DCAF6: variants seen among roughly 807,000 people sequenced by gnomAD.
DCAF6 encodes the protein DDB1- and CUL4-associated factor 6.
Under a neutral mutation model 125.1 loss-of-function variants are expected in DCAF6, and 54 were observed. The ratio of observed to expected loss-of-function variants is 0.43; its 90% CI spans 0.35 to 0.54. The LOEUF is 0.54. DCAF6 is among the 20% of genes least tolerant of loss of function. The pLI, the probability that DCAF6 is intolerant of heterozygous loss-of-function variation, is 0.01. For missense variants in DCAF6, 934 were observed against 1,161.7 expected (o/e 0.80, Z 2.85); for synonymous variants, 371 against 390.4 (o/e 0.95, Z 0.58).
the DCAF6 span, among the ~76,000 whole-genome samples, chr1:167,913,554 T>G: frequency 6.6e-6 from 1 of 152,242 alleles, no homozygotes; most frequent in Non-Finnish European, 1.5e-5. Flanking sequence ...TATCCTTGAT[T>G]ATCTTTTGAA....
intron 1 of DCAF6, among the ~76,000 whole-genome samples, chr1:167,951,036 CTTTT>C (rs1293212980): frequency 9.9e-5 from 15 of 152,206 alleles, no homozygotes; most frequent in Non-Finnish European, 2.2e-4. Flanking sequence ...CTGCAGTCAT[CTTTT>C]ATCTCTTTTT....
upstream of DCAF6, chr1:167,935,779 C>G (rs947893646): frequency 6.4e-7 from 1 of 1,564,582 alleles, no homozygotes; most frequent in Non-Finnish European, 8.7e-7. Flanking sequence ...GCAGCATCAG[C>G]TCCACTTTAT....
chr1:168,012,746 A>T (rs1684471329), intron 10 of DCAF6, among the ~76,000 whole-genome samples: 1 of 152,190 alleles, frequency 6.6e-6, no homozygotes. Context: ...ATCCAAGGAG[A>T]AAAAAGCCAC....
intron 17 of DCAF6, among the ~76,000 whole-genome samples, chr1:168,051,785 A>C (rs1689970151): frequency 6.6e-6 from 1 of 152,120 alleles, no homozygotes; most frequent in South Asian, 2.1e-4. Context: ...TTTGCTTCTC[A>C]AACTTGTTTT....
chr1:168,072,110 A>C (rs1472150628), intron 21 of DCAF6, among the ~76,000 whole-genome samples: 1 of 151,884 alleles, frequency 6.6e-6, no homozygotes, highest in African/African-American at 2.4e-5. Context: ...AGCCTGGCCA[A>C]CATGGTGAAA....
chr1:167,904,698 G>C, the DCAF6 span: 1 of 604,254 alleles, frequency 1.7e-6, no homozygotes, highest in Non-Finnish European at 2.9e-6. Flanking sequence ...TGTGTATGGG[G>C]CTTGGGGCTG....
In DCAF6 at chr1:168,045,228, G is replaced by A; in HGVS notation, c.2258+1G>A. The A allele has an allele frequency of 6.3e-7, 1 of 1,582,426 alleles. No homozygotes were observed. The highest frequency in any genetic ancestry group is 8.6e-7 in the Non-Finnish European group (1 of 1,166,764). ...GGTATCGAGCAGGACCTGGTGATAG[G>A]TTGGTAAATTTTTAATTAACATGAA... On this transcript the variant is annotated splice_donor_variant, in intron 16 of 21. Coordinates refer to ENST00000367840, the MANE Select transcript of DCAF6 (RefSeq NM_001198956.2). LOFTEE classifies it high-confidence loss of function.
intron 1 of DCAF6, among the ~76,000 whole-genome samples, chr1:167,940,238 T>G (rs1672023798): frequency 6.6e-6 from 1 of 152,264 alleles, no homozygotes. Flanking sequence ...ATATGTTTAC[T>G]TAGAGCTCCC....
At chr1:167,906,012 G>A in the DCAF6 span, among the ~76,000 whole-genome samples, 2 of 152,054 alleles carry the variant, frequency 1.3e-5, no homozygotes, top group Non-Finnish European at 2.9e-5. Flanking sequence ...AAATATAAGA[G>A]GATTTGTTTT....
At chr1:167,936,409 G>C (rs913972581), upstream of DCAF6, 2 of 178,522 alleles carry the variant, frequency 1.1e-5, no homozygotes, top group Admixed American at 1.2e-4. Context: ...GGAGACTCGT[G>C]AGCGAGAGAC....
At chr1:167,945,598 TCTC>T (rs2102665720) in intron 1 of DCAF6, among the ~76,000 whole-genome samples, 1 of 152,238 alleles carries the variant, frequency 6.6e-6, no homozygotes, top group African/African-American at 2.4e-5. Context: ...TTCAAGCACT[TCTC>T]CTGCCTGAGC....
chr1:167,866,373 T>A, the DCAF6 span, among the ~76,000 whole-genome samples: 1 of 152,124 alleles, frequency 6.6e-6, no homozygotes, highest in Non-Finnish European at 1.5e-5. Context: ...AAAATTTAAG[T>A]CAATATTTTA....
Position 167,993,295 on chromosome 1 carries a change from C to T in DCAF6, c.758C>T (p.Ser253Phe). The T allele has an allele frequency of 6.2e-7, 1 of 1,613,958 alleles. No homozygotes were observed. Among genetic ancestry groups the T allele is most frequent in the Non-Finnish European group, 8.5e-7 (1 of 1,179,946 alleles). ...RFIPSHLNNK[S>F]CRVTSLCYSE... ...ATTCCTTCCCATCTTAATAATAAGT[C>T]CTGCAGAGTGACATCTCTGTGTTAC... is the stretch of plus-strand genomic sequence containing the variant. The change falls in exon 7 of 22, where the codon TCC becomes TTC. Residue 253 changes from serine (S) to phenylalanine (F), a missense_variant. Transcript: ENST00000367840.
At chr1:167,889,415 G>A in the DCAF6 span, among the ~76,000 whole-genome samples, 1 of 152,030 alleles carries the variant, frequency 6.6e-6, no homozygotes, top group Non-Finnish European at 1.5e-5. Context: ...TGCATCCCTG[G>A]GATAAATCCC....
the DCAF6 span, among the ~76,000 whole-genome samples, chr1:167,902,409 G>A: frequency 1.3e-5 from 2 of 152,240 alleles, no homozygotes; most frequent in Non-Finnish European, 2.9e-5. Flanking sequence ...GCTGGGGCTT[G>A]TGTAAGCATG....
chr1:168,047,765 G>A (rs1344425051), intron 16 of DCAF6, among the ~76,000 whole-genome samples: 3 of 151,958 alleles, frequency 2.0e-5, no homozygotes, highest in African/African-American at 7.2e-5. Flanking sequence ...AGTGATTAGA[G>A]TAACAATTAC....
intron 4 of DCAF6, among the ~76,000 whole-genome samples, chr1:167,981,572 A>G (rs1242168966): frequency 6.6e-6 from 1 of 152,040 alleles, no homozygotes; most frequent in Non-Finnish European, 1.5e-5. Flanking sequence ...TGTTGTTGCC[A>G]TCTTTATGTC....
At chr1:167,884,823 G>A in the DCAF6 span, among the ~76,000 whole-genome samples, 7 of 151,348 alleles carry the variant, frequency 4.6e-5, no homozygotes, top group African/African-American at 1.5e-4. Flanking sequence ...TCAGCTTCCA[G>A]AGTAGCTGGG....
chr1:167,958,102 G>A (rs1202811325), intron 2 of DCAF6, among the ~76,000 whole-genome samples: 7 of 151,894 alleles, frequency 4.6e-5, no homozygotes, highest in Admixed American at 2.0e-4. Flanking sequence ...TTGTCTTTTT[G>A]CCTTCCTCAT....
Sources: allele counts gnomAD v4.1 joint callset (sites outside exome capture counted in the v4.1 genomes callset), GRCh38; gene constraint gnomAD v4.1.1; transcripts MANE v1.5; gene names NCBI Gene and HGNC (gene_info 2026-07-23, HGNC 2026-07-21).